Variants in ASTN2 observed in about 807,000 individuals in gnomAD.
ASTN2 encodes the protein astrotactin-2.
In ASTN2, 54 loss-of-function variants were observed where a neutral mutation model predicts 139.8. That is an observed-to-expected ratio of 0.39 (90% CI 0.31 to 0.48). The LOEUF is 0.48. Ranked by LOEUF, ASTN2 falls within the 20% of genes least tolerant of loss-of-function variation. The pLI, the probability that ASTN2 is intolerant of heterozygous loss-of-function variation, is 0.95. For synonymous variants in ASTN2, 756 were observed against 719.5 expected, an observed-to-expected ratio of 1.05 and a Z score of -0.81; for missense variants, 1,565 against 1,725.1, an observed-to-expected ratio of 0.91 and a Z score of 1.64.
intron 4 of ASTN2, among the ~76,000 whole-genome samples, chr9:117,111,088 C>T (rs1829237395): frequency 6.6e-6 from 1 of 152,212 alleles, no homozygotes; most frequent in South Asian, 2.1e-4. Context: ...ACCAAATTAA[C>T]TGCCTTCAAA....
intron 11 of ASTN2, among the ~76,000 whole-genome samples, chr9:116,850,833 GC>G (rs1832577870): frequency 6.6e-6 from 1 of 152,102 alleles, no homozygotes; most frequent in Non-Finnish European, 1.5e-5. Flanking sequence ...AGAAGCAGCA[GC>G]CCAAACCAGA....
chr9:116,603,232 G>A (rs528260155), intron 19 of ASTN2, among the ~76,000 whole-genome samples: 2 of 152,296 alleles, frequency 1.3e-5, no homozygotes, highest in African/African-American at 4.8e-5. Context: ...AGTTGGAACT[G>A]ATAGATGGAG....
intron 19 of ASTN2, chr9:116,557,461 G>GA (rs1310822184): frequency 1.3e-5 from 2 of 149,996 alleles, no homozygotes; most frequent in Non-Finnish European, 2.9e-5. Flanking sequence ...TGGATTAAAT[G>GA]AAAGTATTTA....
intron 2 of ASTN2, among the ~76,000 whole-genome samples, chr9:117,281,450 G>T (rs1396722530): frequency 1.3e-5 from 2 of 152,200 alleles, no homozygotes; most frequent in Non-Finnish European, 2.9e-5. Flanking sequence ...TGAAGGGAGA[G>T]GCAGAAGTTC....
At chr9:117,258,838 T>C (rs1444105920) in intron 2 of ASTN2, among the ~76,000 whole-genome samples, 3 of 152,138 alleles carry the variant, frequency 2.0e-5, no homozygotes, top group Non-Finnish European at 4.4e-5. Context: ...GCCTCACCTG[T>C]ATTTTCCAGT....
intron 11 of ASTN2, among the ~76,000 whole-genome samples, chr9:116,827,382 G>A (rs1831668431): frequency 6.8e-6 from 1 of 147,060 alleles, no homozygotes; most frequent in Admixed American, 6.8e-5. Context: ...CAGGAGAAAA[G>A]AAATAACAAA....
At chr9:116,639,716 T>C (rs766552207) in intron 17 of ASTN2, among the ~76,000 whole-genome samples, 2 of 152,124 alleles carry the variant, frequency 1.3e-5, no homozygotes, top group Non-Finnish European at 2.9e-5. Flanking sequence ...GGAAAAAGGA[T>C]TCCAGCCCTG....
At chr9:117,343,614 A>C (rs565704040) in intron 1 of ASTN2, among the ~76,000 whole-genome samples, 2 of 152,316 alleles carry the variant, frequency 1.3e-5, no homozygotes, top group African/African-American at 2.4e-5. Context: ...CCCCATGTAC[A>C]TATGAGAATA....
chr9:117,364,854 T>C (rs534866560), intron 1 of ASTN2, among the ~76,000 whole-genome samples: 12 of 152,108 alleles, frequency 7.9e-5, no homozygotes, highest in African/African-American at 2.9e-4. Flanking sequence ...GGCTCATGCC[T>C]GTAATCCCAG....
chr9:116,799,175 T>G (rs899914705), intron 13 of ASTN2, among the ~76,000 whole-genome samples: 4 of 152,024 alleles, frequency 2.6e-5, no homozygotes, highest in African/African-American at 9.7e-5. Context: ...AGAAAAATCA[T>G]AGGCCACAAC....
At chr9:117,019,298 T>C (rs1328365228) in intron 6 of ASTN2, among the ~76,000 whole-genome samples, 3 of 152,200 alleles carry the variant, frequency 2.0e-5, no homozygotes, top group East Asian at 3.9e-4. Flanking sequence ...TTTCTGGAAA[T>C]TGGACAATAA....
At chr9:117,356,008 C>T (rs1466454709) in intron 1 of ASTN2, among the ~76,000 whole-genome samples, 2 of 152,200 alleles carry the variant, frequency 1.3e-5, no homozygotes, top group East Asian at 3.9e-4. Flanking sequence ...GCAGAGTGTG[C>T]CGGTGCTTAC....
rs149904029 is a variant in ASTN2, at chr9:116,625,673, C to G, written c.3073-5230G>C. Among the ~76,000 whole-genome samples the G allele has an allele frequency of 9.9e-5, 15 of 152,250 alleles. No individual in the cohort carries two copies. In the East Asian group the frequency reaches 2.5e-3, roughly 26 times the overall value. On this transcript the variant is annotated intron_variant, in intron 17 of 22. Transcript: ENST00000313400. ...TTGTTCTTCAGCTTATGACTCTTCT[C>G]CCATCTCAACCCCCCTGCACCCCTC...
intron 3 of ASTN2, among the ~76,000 whole-genome samples, chr9:117,152,243 G>A (rs1054037486): frequency 6.6e-6 from 1 of 152,140 alleles, no homozygotes. Flanking sequence ...GCTTAACCTA[G>A]ATAAGCCTGC....
At chr9:116,910,119 T>G (rs911879841) in intron 10 of ASTN2, among the ~76,000 whole-genome samples, 1 of 152,164 alleles carries the variant, frequency 6.6e-6, no homozygotes, top group Non-Finnish European at 1.5e-5. Flanking sequence ...ACAGTCCAAA[T>G]TTTTTGGGGC....
At chr9:116,712,591 T>C (rs539112027) in intron 16 of ASTN2, among the ~76,000 whole-genome samples, 4 of 152,326 alleles carry the variant, frequency 2.6e-5, no homozygotes, top group African/African-American at 9.6e-5. Flanking sequence ...CTTCTCCTAG[T>C]ACCTGCATCC....
chr9:116,868,004 T>G (rs1564313761), intron 10 of ASTN2, among the ~76,000 whole-genome samples: 1 of 152,008 alleles, frequency 6.6e-6, no homozygotes, highest in Admixed American at 6.6e-5. Context: ...GCCCCAATCT[T>G]GGGGCGGGGA....
intron 3 of ASTN2, among the ~76,000 whole-genome samples, chr9:117,157,607 A>C (rs930210349): frequency 3.3e-5 from 5 of 152,034 alleles, no homozygotes; most frequent in African/African-American, 1.2e-4. Context: ...GACTGAAGCA[A>C]CACTTGGATG....
intron 16 of ASTN2, among the ~76,000 whole-genome samples, chr9:116,665,637 G>C (rs567332868): frequency 6.6e-6 from 1 of 152,132 alleles, no homozygotes; most frequent in East Asian, 1.9e-4. Context: ...TATGGTACAA[G>C]CTGAGCCTGG....
Sources: gnomAD v4.1 joint callset for allele counts (sites outside exome capture counted in the v4.1 genomes callset) on GRCh38, gnomAD v4.1.1 for gene constraint, MANE v1.5 for transcripts, NCBI Gene and HGNC (gene_info 2026-07-23, HGNC 2026-07-21) for gene names.